The following ZNF66 variants were observed in gnomAD, a reference collection of about 807,000 sequenced individuals.
The protein encoded by ZNF66 is putative zinc finger protein 66.
Under a neutral mutation model 35.2 loss-of-function variants are expected in ZNF66, and 32 were observed. The ratio of observed to expected loss-of-function variants is 0.91; its 90% CI spans 0.69 to 1.22. The LOEUF (loss-of-function observed/expected upper bound fraction) is 1.22. ZNF66 is among the 50% of genes most tolerant of loss of function. The probability of loss-of-function intolerance (pLI) is 0.00; values close to 1 mark genes in which losing one functional copy is unlikely to be tolerated. For synonymous variants in ZNF66, 231 were observed against 181.3 expected (o/e 1.27, Z -2.20); for missense variants, 666 against 543.1 (o/e 1.23, Z -2.25).
At chr19:20,789,450 G>A (rs565024477) in intron 1 of ZNF66, among the ~76,000 whole-genome samples, 4 of 152,212 alleles carry the variant, frequency 2.6e-5, no homozygotes, top group African/African-American at 9.6e-5. Context: ...GATAAATAAC[G>A]TATGTATTTT....
At position 20,787,462 on chromosome 19, in the gene ZNF66, G is replaced by T. The variant is rs562183154; in HGVS notation, c.4-5050G>T. Among the ~76,000 whole-genome samples, 59 of 152,266 alleles carry T rather than the reference G, an allele frequency of 3.9e-4. 1 individual carries two copies. Among genetic ancestry groups the T allele is most frequent in the South Asian group, 2.5e-3 (12 of 4,824 alleles). On this transcript the variant is annotated intron_variant, in intron 1 of 3. Transcript: ENST00000344519. ...GATCCTACCTAGAATCTGCAATTAAGGTCTGGCCTCTGCCTGGGATTTACA... is the reference window on the plus strand; with the variant it reads ...GATCCTACCTAGAATCTGCAATTAATGTCTGGCCTCTGCCTGGGATTTACA...
rs766021911 is a variant in ZNF66 at position 20,805,962 on chromosome 19, A to T, written c.362A>T (p.Asp121Val). The stretch of plus-strand genomic sequence containing the variant: ...TTAAAAAAAGGCTGTGAAAGTGTGG[A>T]TAAGTGTAAAGTGCACAAAAGAGGT... ...LQLKKGCESV[D>V]KCKVHKRGYN... Residue 121 changes from aspartate (D) to valine (V), a missense_variant, in exon 4 of 4, where the codon GAT (aspartate) becomes GTT (valine). By Grantham distance (152) the Asp-to-Val change is radical. Coordinates refer to ENST00000344519, the MANE Select transcript of ZNF66 (RefSeq NM_001355197.2). The T allele has an allele frequency of 4.2e-6, 3 of 722,420 alleles. No homozygotes were observed. The highest frequency in any genetic ancestry group is 7.3e-6 in the Non-Finnish European group (3 of 408,666). The allele number at this position is 722,420 out of a possible 1,614,324, so 44.8% of individuals were successfully genotyped here.
chr19:20,795,670 T>C (rs1050532699), intron 3 of ZNF66, among the ~76,000 whole-genome samples: 3 of 151,976 alleles, frequency 2.0e-5, no homozygotes, highest in African/African-American at 7.2e-5. Flanking sequence ...CCCTGCCCAA[T>C]TGTGTGGGTT....
rs1321049634 is a variant in ZNF66, at chr19:20,809,736, G to A, written c.*2414G>A. Among the ~76,000 whole-genome samples the A allele has an allele frequency of 1.3e-5, 2 of 152,010 alleles. No homozygotes were observed. Among genetic ancestry groups the A allele is most frequent in the East Asian group, 1.9e-4 (1 of 5,164 alleles). Reference sequence around the variant, plus strand: ...AGCCGCTGCAAAATCATGCCAAAATGTAAAGACCATCGAGACTAGGAAGAA... The same window carrying A: ...AGCCGCTGCAAAATCATGCCAAAATATAAAGACCATCGAGACTAGGAAGAA... On this transcript the variant is annotated 3_prime_UTR_variant, in exon 4 of 4. Transcript: ENST00000344519.
chr19:20,778,787 A>G (rs1251929796), intron 1 of ZNF66, among the ~76,000 whole-genome samples: 3 of 151,846 alleles, frequency 2.0e-5, no homozygotes, highest in Non-Finnish European at 4.4e-5. Context: ...CGTCTCAAAA[A>G]AAAAAAAAAA....
At chr19:20,801,896 TAAGATTACATTTCA>T (rs1971451223) in intron 3 of ZNF66, among the ~76,000 whole-genome samples, 2 of 127,148 alleles carry the variant, frequency 1.6e-5, no homozygotes, top group Non-Finnish European at 3.6e-5. Context: ...TCCAAAGTCC[TAAGATTACATTTCA>T]AAGATTACAT....
intron 1 of ZNF66, among the ~76,000 whole-genome samples, chr19:20,786,052 G>A (rs967537814): frequency 1.3e-5 from 2 of 152,178 alleles, no homozygotes; most frequent in Admixed American, 1.3e-4. Flanking sequence ...ACAGGTGTGA[G>A]TCACTACTCC....
chr19:20,803,127 ACT>A (rs1478723620), intron 3 of ZNF66, among the ~76,000 whole-genome samples: 1 of 151,852 alleles, frequency 6.6e-6, no homozygotes. Context: ...ATCTCAACTG[ACT>A]CTTGTAAAAA....
At position 20,806,843 on chromosome 19, in the gene ZNF66, CATA is replaced by C. The variant is rs769130002; in HGVS notation, c.1245_1247del (p.His415_Lys416delinsGln). The C allele has an allele frequency of 3.0e-6, 4 of 1,351,534 alleles. No homozygotes were observed. In the Admixed American group the frequency reaches 6.7e-5, roughly 23 times the overall value. 83.7% of individuals were successfully genotyped at this position (1,351,534 alleles called of 1,614,324 possible). A position where few individuals can be genotyped will look rare whatever the true frequency, so the allele number is the denominator to read the frequency against. On this transcript the variant is annotated inframe_deletion, in exon 4 of 4. Coordinates refer to ENST00000344519, the MANE Select transcript of ZNF66 (RefSeq NM_001355197.2). ...TAAGCACTCCTCTCCCCTTTCTAAA[CATA>C]AGAGAATTCATACTGGAGAGAAACC... is the stretch of plus-strand genomic sequence containing the variant.
In ZNF66 at chr19:20,807,011, C is replaced by T. The variant is rs776460903; in HGVS notation, c.1411C>T (p.His471Tyr). The change falls in exon 4 of 4, where the codon CAC (histidine) becomes TAC (tyrosine). Residue 471 changes from histidine to tyrosine, a missense_variant. By Grantham distance (83) the His-to-Tyr change is moderately conservative. Coordinates refer to ENST00000344519, the MANE Select transcript of ZNF66 (RefSeq NM_001355197.2). Reference sequence around the variant, plus strand: ...TAACCGCTCCTCTAACCTTACTAAACACAAGAAAATTCATACTGGAGAGAA... The same window carrying T: ...TAACCGCTCCTCTAACCTTACTAAATACAAGAAAATTCATACTGGAGAGAA... Reference protein sequence around the residue: ...AFNRSSNLTKHKKIHTGEKPY... With the variant: ...AFNRSSNLTKYKKIHTGEKPY... 1 of 929,134 alleles carries T rather than the reference C, an allele frequency of 1.1e-6. No individual in the cohort carries two copies. The highest frequency in any genetic ancestry group is 1.6e-5 in the African/African-American group (1 of 62,028). 57.6% of individuals were successfully genotyped at this position (929,134 alleles called of 1,614,324 possible).
chr19:20,795,499 C>T (rs1304051979), intron 3 of ZNF66, among the ~76,000 whole-genome samples: 9 of 150,300 alleles, frequency 6.0e-5, no homozygotes, highest in Admixed American at 6.0e-4. Flanking sequence ...TCCCAAGTAG[C>T]TGCAAATACA....
intron 3 of ZNF66, among the ~76,000 whole-genome samples, chr19:20,797,856 C>CT (rs1971410357): frequency 1.3e-5 from 2 of 152,100 alleles, no homozygotes; most frequent in South Asian, 4.1e-4. Flanking sequence ...TCCACTGCAC[C>CT]TGGCCTCAGT....
chr19:20,794,171 A>G (rs1599550795), intron 3 of ZNF66: 1 of 414,698 alleles, frequency 2.4e-6, no homozygotes, highest in South Asian at 2.7e-5. Context: ...AGACAGCACA[A>G]TCCAGCTGCT....
At chr19:20,781,818 T>C (rs2144891778) in intron 1 of ZNF66, among the ~76,000 whole-genome samples, 2 of 152,232 alleles carry the variant, frequency 1.3e-5, no homozygotes, top group South Asian at 4.2e-4. Flanking sequence ...CTGCATTTGT[T>C]TTCTAAGAAA....
intron 1 of ZNF66, among the ~76,000 whole-genome samples, chr19:20,780,330 C>T (rs1485952916): frequency 6.6e-6 from 1 of 151,956 alleles, no homozygotes; most frequent in African/African-American, 2.4e-5. Flanking sequence ...TCATCTTTCC[C>T]CATTTCTTTT....
intron 1 of ZNF66, among the ~76,000 whole-genome samples, chr19:20,783,604 T>C (rs1971262809): frequency 6.6e-6 from 1 of 152,200 alleles, no homozygotes; most frequent in African/African-American, 2.4e-5. Context: ...AGCACAAAGA[T>C]AAAATTAAAT....
intron 3 of ZNF66, among the ~76,000 whole-genome samples, chr19:20,804,216 A>G (rs991079019): frequency 1.3e-5 from 2 of 151,412 alleles, no homozygotes; most frequent in Non-Finnish European, 2.9e-5. Flanking sequence ...TAACTTACTG[A>G]ATATTATTCA....
intron 3 of ZNF66, chr19:20,799,344 G>A (rs1389357944): frequency 6.6e-6 from 1 of 152,026 alleles, no homozygotes; most frequent in African/African-American, 2.4e-5. Context: ...TTACAGGCTT[G>A]AGCTACTGCA....
chr19:20,806,447 A>G lies in ZNF66; in HGVS notation c.847A>G (p.Lys283Glu). The G allele has an allele frequency of 6.5e-6, 10 of 1,545,336 alleles. No homozygotes were observed. Among genetic ancestry groups the G allele is most frequent in the Non-Finnish European group, 8.9e-6 (10 of 1,117,930 alleles). The change falls in exon 4 of 4, where the codon AAA becomes GAA. Residue 283 changes from lysine to glutamate, a missense_variant. Physicochemically the swap from Lys to Glu is moderately conservative, Grantham distance 56. Coordinates refer to ENST00000344519, the MANE Select transcript of ZNF66 (RefSeq NM_001355197.2). ...TTHKRIHTGEKPYKCEECGKV... is the reference protein window; with the variant it reads ...TTHKRIHTGEEPYKCEECGKV... ...ACATAAGAGAATTCATACTGGAGAGAAACCCTACAAATGTGAAGAATGTGG... is the reference window on the plus strand; with the variant it reads ...ACATAAGAGAATTCATACTGGAGAGGAACCCTACAAATGTGAAGAATGTGG...
Sources: allele counts gnomAD v4.1 joint callset (sites outside exome capture counted in the v4.1 genomes callset), GRCh38; gene constraint gnomAD v4.1.1; transcripts MANE v1.5; gene names NCBI Gene and HGNC (gene_info 2026-07-23, HGNC 2026-07-21).